SPATA6: variants seen among roughly 807,000 people sequenced by gnomAD.
SPATA6 encodes the protein spermatogenesis associated 6, also known as spermatogenesis-associated protein 6.
Under a neutral mutation model 65.3 loss-of-function variants are expected in SPATA6, and 56 were observed. The ratio of observed to expected loss-of-function variants is 0.86; its 90% CI spans 0.69 to 1.07. The LOEUF (loss-of-function observed/expected upper bound fraction) is 1.07. SPATA6 is among the 50% of genes least tolerant of loss of function. The pLI, the probability that SPATA6 is intolerant of heterozygous loss-of-function variation, is 0.00. For missense variants in SPATA6, 590 were observed against 594.8 expected, an observed-to-expected ratio of 0.99 and a Z score of 0.08; for synonymous variants, 199 against 213.2, an observed-to-expected ratio of 0.93 and a Z score of 0.58.
chr1:48,324,616 T>C lies in SPATA6; in HGVS notation c.1195-18738A>G, dbSNP rs150147392. ...ATCATATAACCATTTCAATTAATAC[T>C]AAAAAAGTATGTTATAAAATTCAAC... On this transcript the variant is annotated intron_variant, in intron 11 of 12. Coordinates refer to ENST00000371847, the MANE Select transcript of SPATA6 (RefSeq NM_019073.4). Among the ~76,000 whole-genome samples, 219 of 152,140 alleles carry C rather than the reference T, an allele frequency of 1.4e-3. 1 individual carries two copies. Among genetic ancestry groups the C allele is most frequent in the African/African-American group, 5.2e-3 (214 of 41,526 alleles).
intron 11 of SPATA6, among the ~76,000 whole-genome samples, chr1:48,353,512 T>G (rs898858927): frequency 6.7e-6 from 1 of 148,654 alleles, no homozygotes; most frequent in African/African-American, 2.5e-5. Flanking sequence ...TTGAAAAATA[T>G]ATACCATGCA....
the SPATA6 span, among the ~76,000 whole-genome samples, chr1:48,279,304 A>C: frequency 1.3e-5 from 2 of 152,260 alleles, no homozygotes; most frequent in Non-Finnish European, 2.9e-5. Flanking sequence ...TAACATCAAA[A>C]TGACAGGATC....
chr1:48,406,913 GC>G (rs1368831696), intron 5 of SPATA6, among the ~76,000 whole-genome samples: 1 of 152,194 alleles, frequency 6.6e-6, no homozygotes, highest in African/African-American at 2.4e-5. Flanking sequence ...GGCTTCAGGA[GC>G]ATAGCCTGGG....
the SPATA6 span, among the ~76,000 whole-genome samples, chr1:48,272,173 G>C: frequency 6.6e-6 from 1 of 152,048 alleles, no homozygotes; most frequent in Non-Finnish European, 1.5e-5. Flanking sequence ...CCTCTACATA[G>C]TTACCATTTG....
chr1:48,298,203 G>A lies in SPATA6; in HGVS notation c.*510C>T, dbSNP rs946403335. ...GCTAAGAAATAGAATAGCCTGTTCT[G>A]AAAAAGGAAAAAGTAGAAAATGTTA... On this transcript the variant is annotated 3_prime_UTR_variant, in exon 13 of 13. Transcript: ENST00000371847. 3 of 152,088 alleles carry A rather than the reference G, an allele frequency of 2.0e-5. No homozygotes were observed. Among genetic ancestry groups the A allele is most frequent in the African/African-American group, 7.2e-5 (3 of 41,418 alleles). 9.4% of individuals were successfully genotyped at this position (152,088 alleles called of 1,614,324 possible).
At chr1:48,352,228 C>A (rs777499897) in intron 11 of SPATA6, among the ~76,000 whole-genome samples, 143 of 152,138 alleles carry the variant, frequency 9.4e-4, no homozygotes, top group Non-Finnish European at 1.5e-3. Context: ...TATTCACTAT[C>A]AAGAGAACAG....
intron 3 of SPATA6, among the ~76,000 whole-genome samples, chr1:48,444,311 T>C (rs1235518959): frequency 6.7e-6 from 1 of 149,380 alleles, no homozygotes; most frequent in Admixed American, 6.7e-5. Context: ...AATGCACCAA[T>C]CAGCACTCTG....
At chr1:48,414,976 C>T (rs969108985) in intron 3 of SPATA6, among the ~76,000 whole-genome samples, 17 of 150,510 alleles carry the variant, frequency 1.1e-4, no homozygotes, top group African/African-American at 3.7e-4. Context: ...ATAATATAAG[C>T]AGAAAGAGAC....
At chr1:48,454,357 T>C (rs1656842240) in intron 1 of SPATA6, among the ~76,000 whole-genome samples, 1 of 152,140 alleles carries the variant, frequency 6.6e-6, no homozygotes, top group Non-Finnish European at 1.5e-5. Flanking sequence ...CATAATATAA[T>C]ACAACGTAAG....
chr1:48,441,223 C>T (rs2148109111), intron 3 of SPATA6, among the ~76,000 whole-genome samples: 1 of 152,294 alleles, frequency 6.6e-6, no homozygotes, highest in South Asian at 2.1e-4. Context: ...ATGTCATCAC[C>T]CTCACTGAGC....
At chr1:48,288,036 C>T in the SPATA6 span, among the ~76,000 whole-genome samples, 1 of 152,090 alleles carries the variant, frequency 6.6e-6, no homozygotes, top group Admixed American at 6.5e-5. Flanking sequence ...TTGTCAAGTA[C>T]CTTTTCTGCA....
At chr1:48,468,368 G>A (rs1241295236) in intron 1 of SPATA6, among the ~76,000 whole-genome samples, 1 of 152,206 alleles carries the variant, frequency 6.6e-6, no homozygotes, top group East Asian at 1.9e-4. Flanking sequence ...GGTTCTATCA[G>A]TAGTACCTTT....
chr1:48,308,349 A>G (rs968465446), intron 11 of SPATA6, among the ~76,000 whole-genome samples: 1 of 151,972 alleles, frequency 6.6e-6, no homozygotes, highest in Non-Finnish European at 1.5e-5. Context: ...TTGCTCTTAC[A>G]TGTTTACAGT....
At chr1:48,346,189 A>G (rs935421991) in intron 11 of SPATA6, among the ~76,000 whole-genome samples, 1 of 152,100 alleles carries the variant, frequency 6.6e-6, no homozygotes, top group African/African-American at 2.4e-5. Flanking sequence ...ACACAAATCA[A>G]AAAATGTGAT....
chr1:48,344,051 C>A (rs2148772039), intron 11 of SPATA6, among the ~76,000 whole-genome samples: 1 of 152,146 alleles, frequency 6.6e-6, no homozygotes, highest in Non-Finnish European at 1.5e-5. Context: ...AAGAAAGGAA[C>A]AGACTGACTA....
intron 10 of SPATA6, among the ~76,000 whole-genome samples, chr1:48,358,080 G>T (rs749860696): frequency 6.6e-6 from 1 of 151,874 alleles, no homozygotes; most frequent in Non-Finnish European, 1.5e-5. Context: ...AAATGCCACC[G>T]CTATCTACTC....
intron 3 of SPATA6, among the ~76,000 whole-genome samples, chr1:48,450,410 T>C (rs983321018): frequency 2.6e-5 from 4 of 151,796 alleles, no homozygotes; most frequent in Admixed American, 2.0e-4. Context: ...TAAGTACTCT[T>C]CTTATAGCCT....
chr1:48,347,093 G>T (rs1036517584), intron 11 of SPATA6, among the ~76,000 whole-genome samples: 4 of 151,990 alleles, frequency 2.6e-5, no homozygotes, highest in African/African-American at 9.7e-5. Context: ...AACCAAAATA[G>T]CATGGTAGTG....
At chr1:48,325,801 T>C (rs1213919046) in intron 11 of SPATA6, 2 of 442,908 alleles carry the variant, frequency 4.5e-6, no homozygotes, top group Non-Finnish European at 8.9e-6. Flanking sequence ...CAGTCGGAAT[T>C]TGCTGAGGCT....
Sources: allele counts gnomAD v4.1 joint callset (sites outside exome capture counted in the v4.1 genomes callset), GRCh38; gene constraint gnomAD v4.1.1; transcripts MANE v1.5; gene names NCBI Gene and HGNC (gene_info 2026-07-23, HGNC 2026-07-21).